The following CLCA4 variants were observed in gnomAD, a reference collection of about 807,000 sequenced individuals.
The protein encoded by CLCA4 is chloride channel accessory 4.
A neutral mutation model predicts 78.9 loss-of-function variants in CLCA4; 69 were observed. The ratio of observed to expected loss-of-function variants is 0.87; its 90% CI spans 0.72 to 1.07. CLCA4 has a LOEUF of 1.07. CLCA4 is among the 50% of genes least tolerant of loss of function. The pLI, the probability that CLCA4 is intolerant of heterozygous loss-of-function variation, is 0.00. For missense variants in CLCA4, 1,133 were observed against 1,095.8 expected (o/e 1.03, Z -0.48); for synonymous variants, 362 against 375.8 (o/e 0.96, Z 0.42).
intron 4 of CLCA4, among the ~76,000 whole-genome samples, 192 bp from the exon 5 acceptor site, chr1:86,565,082 T>C (rs1343453075): frequency 2.6e-5 from 4 of 152,042 alleles, no homozygotes; most frequent in Admixed American, 6.6e-5. Flanking sequence ...AAAATTTCCC[T>C]CTAGAATTTC....
chr1:86,565,354 A>G lies in CLCA4; in HGVS notation c.638A>G (p.Asp213Gly), dbSNP rs976515195. 19 of 1,609,224 alleles carry G rather than the reference A, an allele frequency of 1.2e-5. 1 individual carries two copies. The highest frequency in any genetic ancestry group is 1.4e-5 in the Non-Finnish European group (17 of 1,176,296). ...TGTCTTAGTAGAGCATGCAGAATTG[A>G]TTCTACAACAAAACTGTATGGAAAA... The part of the protein sequence containing the change: ...GSCLSRACRI[D>G]STTKLYGKDC... The change falls in exon 5 of 14, where the codon GAT becomes GGT. Residue 213 changes from aspartate (D) to glycine (G), a missense_variant. Physicochemically the swap from Asp to Gly is moderately conservative, Grantham distance 94. Transcript: ENST00000370563.
intron 1 of CLCA4, 121 bp from the exon 2 acceptor site, chr1:86,559,811 C>T (rs1649959376): frequency 1.4e-6 from 1 of 733,782 alleles, no homozygotes; most frequent in Non-Finnish European, 2.3e-6. Context: ...GACAGAGACC[C>T]TACTCATCAG....
chr1:86,558,155 T>G (rs936513044), intron 1 of CLCA4, among the ~76,000 whole-genome samples: 2 of 152,220 alleles, frequency 1.3e-5, no homozygotes, highest in African/African-American at 4.8e-5. Flanking sequence ...AGCTTGCCAC[T>G]CTGTGCCTTT....
At chr1:86,561,762 T>G (rs1650025955) in intron 3 of CLCA4, among the ~76,000 whole-genome samples, 2 of 152,256 alleles carry the variant, frequency 1.3e-5, no homozygotes, top group Middle Eastern at 6.8e-3. Context: ...TGTCCCCATA[T>G]CAGTTATTGA....
At chr1:86,552,944 G>C in intron 1 of CLCA4, 4 of 641,842 alleles carry the variant, frequency 6.2e-6, no homozygotes, top group Non-Finnish European at 8.5e-6. Context: ...CTCGGCGTCT[G>C]TGCTGAGGTG....
At chr1:86,556,067 T>C (rs1028813786) in intron 1 of CLCA4, among the ~76,000 whole-genome samples, 4 of 152,226 alleles carry the variant, frequency 2.6e-5, no homozygotes, top group African/African-American at 9.6e-5. Context: ...GCTGAAACTT[T>C]GCTGAAGCTA....
intron 6 of CLCA4, 126 bp from the exon 7 acceptor site, chr1:86,567,298 C>T: frequency 4.8e-6 from 4 of 830,100 alleles, no homozygotes; most frequent in African/African-American, 3.5e-5. Context: ...TAATTGCTTC[C>T]TTTAACAACA....
At chr1:86,555,547 C>A (rs573016785) in intron 1 of CLCA4, among the ~76,000 whole-genome samples, 1 of 152,190 alleles carries the variant, frequency 6.6e-6, no homozygotes, top group East Asian at 1.9e-4. Context: ...CTGTTGTGTT[C>A]TGTTGGTCTA....
At chr1:86,558,155 T>C (rs936513044) in intron 1 of CLCA4, among the ~76,000 whole-genome samples, 1 of 152,220 alleles carries the variant, frequency 6.6e-6, no homozygotes, top group African/African-American at 2.4e-5. Context: ...AGCTTGCCAC[T>C]CTGTGCCTTT....
intron 1 of CLCA4, among the ~76,000 whole-genome samples, chr1:86,550,009 G>A (rs866112079): frequency 3.4e-4 from 52 of 152,300 alleles, no homozygotes; most frequent in Middle Eastern, 3.4e-3. Flanking sequence ...GTTTGGTGGT[G>A]TAGCCACGTA....
At chr1:86,549,235 C>A (rs994078682) in intron 1 of CLCA4, among the ~76,000 whole-genome samples, 1 of 151,964 alleles carries the variant, frequency 6.6e-6, no homozygotes, top group Non-Finnish European at 1.5e-5. Context: ...TCAGCACAGA[C>A]CTGAGATGAG....
At chr1:86,568,274 G>A (rs1484904537) in intron 7 of CLCA4, among the ~76,000 whole-genome samples, 2 of 151,158 alleles carry the variant, frequency 1.3e-5, no homozygotes, top group East Asian at 3.9e-4. Flanking sequence ...ACCTCATAGA[G>A]TAATTATGAG....
rs745628367 is a variant in CLCA4, at chr1:86,565,802, G to T, written c.736G>T (p.Val246Phe). 6.7e-7 allele frequency: 1 copy of T among 1,500,170 alleles called. No individual in the cohort carries two copies. The highest frequency in any genetic ancestry group is 1.4e-5 in the South Asian group (1 of 73,516). The allele number at this position is 1,500,170 out of a possible 1,614,324, so 92.9% of individuals were successfully genotyped here. The change falls in exon 6 of 14, where the codon GTT (valine) becomes TTT (phenylalanine). Residue 246 changes from valine (V) to phenylalanine (F), a missense_variant and splice_region_variant. By Grantham distance (50) the Val-to-Phe change is conservative. Coordinates refer to ENST00000370563, the MANE Select transcript of CLCA4 (RefSeq NM_012128.4). ...ATTTTTTATTTTATTAACCTTTTAG[G>T]TTGTTGAATTTTGTAACGAAAAAAC... ...SIMFMQSIDSVVEFCNEKTHN... is the reference protein window; with the variant it reads ...SIMFMQSIDSFVEFCNEKTHN...
At chr1:86,575,644 AGC>A in intron 11 of CLCA4, 45 bp downstream of exon 11, 2 of 1,562,992 alleles carry the variant, frequency 1.3e-6, no homozygotes, top group Non-Finnish European at 1.7e-6. Context: ...TTCCTAATTC[AGC>A]ATGTTGTGAG....
At chr1:86,547,815 T>C (rs1414999763) in intron 1 of CLCA4, among the ~76,000 whole-genome samples, 1 of 152,212 alleles carries the variant, frequency 6.6e-6, no homozygotes, top group Non-Finnish European at 1.5e-5. Context: ...TTTCAGTGAC[T>C]AAGTAGTATT....
In CLCA4 at chr1:86,565,387, A is replaced by T. The variant is rs1415546347; in HGVS notation, c.671A>T (p.Gln224Leu). ...ACAAAACTGTATGGAAAAGATTGTC[A>T]ATTCTTTCCTGATAAAGTACAAACA... ...STTKLYGKDCQFFPDKVQTEK... is the reference protein window; with the variant it reads ...STTKLYGKDCLFFPDKVQTEK... Residue 224 changes from glutamine (Q) to leucine (L), a missense_variant, in exon 5 of 14, where the codon CAA (glutamine) becomes CTA (leucine). Physicochemically the swap from Gln to Leu is moderately radical, Grantham distance 113 (BLOSUM62 -2). Transcript: ENST00000370563. 7.5e-6 allele frequency: 12 copies of T among 1,609,224 alleles called. No homozygotes were observed. The highest frequency in any genetic ancestry group is 1.0e-5 in the Non-Finnish European group (12 of 1,176,380).
Position 86,579,361 on chromosome 1 carries a change from T to C in CLCA4, c.2130T>C (p.Ile710=), listed in dbSNP as rs912074773. The change falls in exon 13 of 14, where the codon ATT becomes ATC. Residue 710 remains isoleucine (I), a synonymous_variant. Transcript: ENST00000370563. ...AGGAAATGTTTAATGCAGGGGAAAT[T>C]GAAGCAAACCCGCCAAGACCTGAAA... ...YIPGWVVNGE[I]EANPPRPEID... The C allele has an allele frequency of 1.2e-6, 2 of 1,612,614 alleles. No homozygotes were observed. The highest frequency in any genetic ancestry group is 1.7e-6 in the Non-Finnish European group (2 of 1,179,190).
chr1:86,561,041 C>G (rs1226713171), intron 3 of CLCA4, among the ~76,000 whole-genome samples: 1 of 152,340 alleles, frequency 6.6e-6, no homozygotes, highest in Non-Finnish European at 1.5e-5. Context: ...TCCGCATACC[C>G]CAGAATCACC....
chr1:86,579,399 C>G lies in CLCA4; in HGVS notation c.2168C>G (p.Thr723Ser), dbSNP rs770911416. ...NPPRPEIDED[T>S]QTTLEDFSRT... Reference sequence around the variant, plus strand: ...CCAAGACCTGAAATTGATGAGGATACTCAGACCACCTTGGAGGATTTCAGC... The same window carrying G: ...CCAAGACCTGAAATTGATGAGGATAGTCAGACCACCTTGGAGGATTTCAGC... Residue 723 changes from threonine (T) to serine (S), a missense_variant, in exon 13 of 14, where the codon ACT (threonine) becomes AGT (serine). Coordinates refer to ENST00000370563, the MANE Select transcript of CLCA4 (RefSeq NM_012128.4). The G allele has an allele frequency of 4.3e-6, 7 of 1,613,116 alleles. No individual in the cohort carries two copies. The East Asian group carries it at 1.1e-4, about 26-fold the overall frequency.
Sources: gnomAD v4.1 joint callset for allele counts (sites outside exome capture counted in the v4.1 genomes callset) on GRCh38, gnomAD v4.1.1 for gene constraint, MANE v1.5 for transcripts, NCBI Gene and HGNC (gene_info 2026-07-23, HGNC 2026-07-21) for gene names.